The following AFG2A variants were observed in gnomAD, a reference collection of about 807,000 sequenced individuals.
AFG2A encodes AAA ATPase AFG2A, also known as ATPase family gene 2 protein homolog A.
the AFG2A span, among the ~76,000 whole-genome samples, chr4:122,924,010 A>T: frequency 2.0e-5 from 3 of 152,252 alleles, no homozygotes; most frequent in Non-Finnish European, 4.4e-5. Context: ...AAATTGAATT[A>T]AAAATTGAAA....
the AFG2A span, among the ~76,000 whole-genome samples, chr4:123,184,151 T>C: frequency 6.6e-6 from 1 of 152,114 alleles, no homozygotes; most frequent in Non-Finnish European, 1.5e-5. Flanking sequence ...GAAGCTGGTG[T>C]ATGTAAAAAT....
chr4:122,983,528 T>G, the AFG2A span, among the ~76,000 whole-genome samples: 4 of 152,222 alleles, frequency 2.6e-5, no homozygotes, highest in Admixed American at 2.6e-4. Flanking sequence ...CTTAAGACTT[T>G]TTTTTATTTT....
At chr4:123,198,729 G>A in the AFG2A span, among the ~76,000 whole-genome samples, 1 of 152,106 alleles carries the variant, frequency 6.6e-6, no homozygotes, top group East Asian at 1.9e-4. Context: ...ATATCTTCCT[G>A]CCCTAGCCTT....
the AFG2A span, among the ~76,000 whole-genome samples, chr4:123,001,762 G>A: frequency 2.0e-5 from 3 of 152,204 alleles, no homozygotes; most frequent in African/African-American, 7.2e-5. Flanking sequence ...GTGTGGTGCT[G>A]AGAAGAATGT....
the AFG2A span, among the ~76,000 whole-genome samples, chr4:123,204,166 C>T: frequency 0.036 from 5,469 of 152,280 alleles, 332 homozygotes; most frequent in African/African-American, 0.12. Flanking sequence ...ATTTCATCTA[C>T]GACCTTTATT....
At chr4:122,970,216 T>C in the AFG2A span, among the ~76,000 whole-genome samples, 3 of 152,334 alleles carry the variant, frequency 2.0e-5, no homozygotes, top group South Asian at 4.1e-4. Context: ...TTATACTATA[T>C]TTTTACTGTA....
the AFG2A span, among the ~76,000 whole-genome samples, chr4:123,157,784 A>T: frequency 6.6e-6 from 1 of 152,312 alleles, no homozygotes; most frequent in East Asian, 1.9e-4. Flanking sequence ...TGTCATCATC[A>T]AGTGAAAGTA....
At chr4:123,188,796 T>C in the AFG2A span, among the ~76,000 whole-genome samples, 2 of 152,228 alleles carry the variant, frequency 1.3e-5, no homozygotes, top group Non-Finnish European at 2.9e-5. Flanking sequence ...ATTTGGTAGG[T>C]AGACGTCTTA....
the AFG2A span, among the ~76,000 whole-genome samples, chr4:123,265,844 C>A: frequency 2.6e-5 from 4 of 152,034 alleles, no homozygotes; most frequent in Non-Finnish European, 5.9e-5. Flanking sequence ...CCGATTTGAG[C>A]ATTTTAACAT....
chr4:123,013,911 A>G, the AFG2A span, among the ~76,000 whole-genome samples: 1 of 152,218 alleles, frequency 6.6e-6, no homozygotes, highest in African/African-American at 2.4e-5. Context: ...TTAGTTATTA[A>G]TTACTCATGC....
At chr4:122,958,577 A>T in the AFG2A span, among the ~76,000 whole-genome samples, 1 of 152,342 alleles carries the variant, frequency 6.6e-6, no homozygotes, top group South Asian at 2.1e-4. Flanking sequence ...AAACATTATT[A>T]TATGAGAATC....
chr4:122,954,072 T>TC, the AFG2A span, among the ~76,000 whole-genome samples: 1 of 152,198 alleles, frequency 6.6e-6, no homozygotes, highest in Non-Finnish European at 1.5e-5. Context: ...TAGTCTGCCA[T>TC]CACAAAGGAG....
chr4:122,956,351 C>T, the AFG2A span, among the ~76,000 whole-genome samples: 104 of 152,322 alleles, frequency 6.8e-4, no homozygotes, highest in Middle Eastern at 3.4e-3. Context: ...ATCAGACAGA[C>T]TCAAGAAAGG....
At chr4:122,981,955 C>T in the AFG2A span, among the ~76,000 whole-genome samples, 1 of 151,618 alleles carries the variant, frequency 6.6e-6, no homozygotes, top group Non-Finnish European at 1.5e-5. Context: ...TGCAAACAGA[C>T]AATTTTTTTC....
chr4:123,237,144 G>C, the AFG2A span, among the ~76,000 whole-genome samples: 1 of 152,172 alleles, frequency 6.6e-6, no homozygotes, highest in Admixed American at 6.5e-5. Flanking sequence ...GTTATTCCTT[G>C]TAGCTACTCA....
At chr4:123,062,739 G>C in the AFG2A span, among the ~76,000 whole-genome samples, 1 of 152,190 alleles carries the variant, frequency 6.6e-6, no homozygotes, top group Non-Finnish European at 1.5e-5. Flanking sequence ...ACAAAAGTTA[G>C]AGTAAAAAGA....
the AFG2A span, among the ~76,000 whole-genome samples, chr4:122,947,974 C>T: frequency 6.6e-6 from 1 of 151,860 alleles, no homozygotes; most frequent in Non-Finnish European, 1.5e-5. Flanking sequence ...AAAAAGCTTG[C>T]TTTTTCTTTA....
the AFG2A span, among the ~76,000 whole-genome samples, chr4:123,244,514 G>GGGC: frequency 6.6e-6 from 1 of 152,172 alleles, no homozygotes; most frequent in Admixed American, 6.5e-5. Flanking sequence ...GCCCGTTCAA[G>GGGC]TTACATTGTA....
chr4:123,010,726 C>G, the AFG2A span, among the ~76,000 whole-genome samples: 2 of 152,220 alleles, frequency 1.3e-5, no homozygotes, highest in African/African-American at 4.8e-5. Context: ...GCTCAGCGAT[C>G]TAACCACGTA....
Sources: gnomAD v4.1 joint callset for allele counts (sites outside exome capture counted in the v4.1 genomes callset) on GRCh38, gnomAD v4.1.1 for gene constraint, MANE v1.5 for transcripts, NCBI Gene and HGNC (gene_info 2026-07-23, HGNC 2026-07-21) for gene names.